The following IFT80 variants were observed in gnomAD, a reference collection of about 807,000 sequenced individuals.
IFT80 encodes intraflagellar transport 80.
Under a neutral mutation model 107.9 loss-of-function variants are expected in IFT80, and 79 were observed. The observed-to-expected ratio is 0.73, with a 90% CI of 0.61 to 0.88. The LOEUF is 0.88. IFT80 is among the 40% of genes least tolerant of loss of function. The pLI, the probability that IFT80 is intolerant of heterozygous loss-of-function variation, is 0.00. For missense variants in IFT80, 797 were observed against 914.2 expected, an observed-to-expected ratio of 0.87 and a Z score of 1.65; for synonymous variants, 299 against 300.9, an observed-to-expected ratio of 0.99 and a Z score of 0.07.
In IFT80 at chr3:160,365,176, C is replaced by T. The variant is rs531493768; in HGVS notation, c.549+867G>A. On this transcript the variant is annotated intron_variant, in intron 6 of 19. Transcript: ENST00000326448. ...CAAAACTAGTCCTCTTTCCCAGCTT[C>T]TTCCCTTTGCCCAAATTCTTTACCT... Among the ~76,000 whole-genome samples, 321 of 152,156 alleles carry T rather than the reference C, an allele frequency of 2.1e-3. 2 individuals are homozygous for T. The highest frequency in any genetic ancestry group is 3.6e-3 in the Non-Finnish European group (245 of 67,964).
intron 8 of IFT80, 55 bp from the exon 9 acceptor site, chr3:160,319,994 A>G (rs1718091641): frequency 7.4e-7 from 1 of 1,346,686 alleles, no homozygotes; most frequent in South Asian, 1.2e-5. Context: ...ATTTTTAGGA[A>G]GTTTTAAATC....
chr3:160,382,226 T>C (rs1415085648), intron 2 of IFT80, among the ~76,000 whole-genome samples: 1 of 152,196 alleles, frequency 6.6e-6, no homozygotes, highest in Non-Finnish European at 1.5e-5. Context: ...AACAGTAGGC[T>C]ATCCTTTTCA....
chr3:160,263,681 T>G (rs1713046844), intron 19 of IFT80, among the ~76,000 whole-genome samples: 1 of 152,198 alleles, frequency 6.6e-6, no homozygotes, highest in Non-Finnish European at 1.5e-5. Flanking sequence ...TTTATTTTTA[T>G]TTTATTTTTT....
intron 8 of IFT80, among the ~76,000 whole-genome samples, chr3:160,323,587 A>G (rs1353918910): frequency 1.3e-5 from 2 of 152,144 alleles, no homozygotes; most frequent in Non-Finnish European, 2.9e-5. Flanking sequence ...CAACGAGAAC[A>G]AAGACACAAC....
At chr3:160,349,044 C>G (rs1720485442) in intron 8 of IFT80, among the ~76,000 whole-genome samples, 1 of 152,018 alleles carries the variant, frequency 6.6e-6, no homozygotes, top group Non-Finnish European at 1.5e-5. Flanking sequence ...GTAAAAAACA[C>G]TTTTTTTAAT....
chr3:160,294,534 G>A (rs987682665), intron 12 of IFT80, among the ~76,000 whole-genome samples: 19 of 152,148 alleles, frequency 1.2e-4, no homozygotes, highest in African/African-American at 4.1e-4. Flanking sequence ...TTTTGGCATC[G>A]CACTAACTCT....
intron 9 of IFT80, among the ~76,000 whole-genome samples, 192 bp downstream of exon 9, chr3:160,319,568 G>A (rs1423554566): frequency 6.6e-6 from 1 of 151,984 alleles, no homozygotes; most frequent in African/African-American, 2.4e-5. Flanking sequence ...GTAGCTTTGG[G>A]CATTCAGGTT....
intron 5 of IFT80, among the ~76,000 whole-genome samples, chr3:160,373,077 T>G (rs1484103126): frequency 2.0e-5 from 3 of 152,082 alleles, no homozygotes; most frequent in Non-Finnish European, 4.4e-5. Flanking sequence ...AGAAGCAAAT[T>G]TTGTATTTTT....
intron 9 of IFT80, among the ~76,000 whole-genome samples, chr3:160,315,569 T>C (rs1171004538): frequency 1.3e-5 from 2 of 152,132 alleles, no homozygotes; most frequent in Non-Finnish European, 2.9e-5. Context: ...CATAATGAGT[T>C]TGGGGTCTCA....
Position 160,389,659 on chromosome 3 carries a change from CTCA to C in IFT80, c.-46-5016_-46-5014del, listed in dbSNP as rs1713212224. On this transcript the variant is annotated intron_variant, in intron 1 of 19. Coordinates refer to ENST00000326448, the MANE Select transcript of IFT80 (RefSeq NM_020800.3). ...TCCATGTCCCTACAAAGGACATGAA[CTCA>C]TCATTTTTTATGGCTGCATAGTATT... is the stretch of plus-strand genomic sequence containing the variant. Among the ~76,000 whole-genome samples, 3 of 151,962 alleles carry C rather than the reference CTCA, an allele frequency of 2.0e-5. No homozygotes were observed. The South Asian group carries it at 6.2e-4, about 32-fold the overall frequency.
At chr3:160,393,013 AGTG>A (rs1713500516) in intron 1 of IFT80, among the ~76,000 whole-genome samples, 1 of 152,208 alleles carries the variant, frequency 6.6e-6, no homozygotes, top group South Asian at 2.1e-4. Context: ...TTAAAGTTAC[AGTG>A]AGCTATGTTC....
intron 8 of IFT80, among the ~76,000 whole-genome samples, chr3:160,328,722 C>T (rs1443310941): frequency 6.6e-6 from 1 of 152,022 alleles, no homozygotes; most frequent in Non-Finnish European, 1.5e-5. Context: ...ATAACAAAGA[C>T]ATGGAATCAA....
chr3:160,340,494 C>T (rs1719817393), intron 8 of IFT80, among the ~76,000 whole-genome samples: 1 of 152,182 alleles, frequency 6.6e-6, no homozygotes, highest in African/African-American at 2.4e-5. Flanking sequence ...GGGAGAAGGA[C>T]CATTTCCTTG....
At chr3:160,306,884 T>C (rs1252815108) in intron 10 of IFT80, among the ~76,000 whole-genome samples, 1 of 152,238 alleles carries the variant, frequency 6.6e-6, no homozygotes, top group Non-Finnish European at 1.5e-5. Context: ...CGTTGGGCAC[T>C]GTGCTAGGTG....
intron 15 of IFT80, 105 bp from the exon 16 acceptor site, chr3:160,279,469 C>A: frequency 1.1e-6 from 1 of 887,634 alleles, no homozygotes; most frequent in Non-Finnish European, 1.8e-6. Flanking sequence ...ACGGAGTCTC[C>A]AATCTCCAAA....
intron 3 of IFT80, among the ~76,000 whole-genome samples, chr3:160,378,654 A>G (rs1219598282): frequency 2.6e-5 from 4 of 152,026 alleles, no homozygotes; most frequent in Non-Finnish European, 4.4e-5. Context: ...TTTAAAAAAA[A>G]AAAATCACTG....
chr3:160,299,469 T>C (rs1242923372), intron 12 of IFT80, among the ~76,000 whole-genome samples: 1 of 152,214 alleles, frequency 6.6e-6, no homozygotes, highest in Non-Finnish European at 1.5e-5. Context: ...CAGTGTTTCA[T>C]GATATATATT....
chr3:160,395,923 T>C (rs1437649922), intron 1 of IFT80, among the ~76,000 whole-genome samples: 1 of 152,204 alleles, frequency 6.6e-6, no homozygotes, highest in East Asian at 1.9e-4. Context: ...TTCTTCTTCT[T>C]ACATTCTAAA....
chr3:160,384,484 C>T (rs1269944220), intron 2 of IFT80, 80 bp downstream of exon 2: 2 of 1,351,388 alleles, frequency 1.5e-6, no homozygotes, highest in Non-Finnish European at 2.0e-6. Context: ...TATTCTTCAA[C>T]TAGGATATAA....
Sources: gnomAD v4.1 joint callset for allele counts (sites outside exome capture counted in the v4.1 genomes callset) on GRCh38, gnomAD v4.1.1 for gene constraint, MANE v1.5 for transcripts, NCBI Gene and HGNC (gene_info 2026-07-23, HGNC 2026-07-21) for gene names.